Variants in NCAM2 observed in about 807,000 individuals in gnomAD.
NCAM2 encodes N-CAM-2.
Under a neutral mutation model 98.1 loss-of-function variants are expected in NCAM2, and 30 were observed. That is an observed-to-expected ratio of 0.31 (90% CI 0.23 to 0.41). The LOEUF (loss-of-function observed/expected upper bound fraction) is 0.41. Ranked by LOEUF, NCAM2 falls within the 10% of genes least tolerant of loss-of-function variation. The pLI, the probability that NCAM2 is intolerant of heterozygous loss-of-function variation, is 1.00. For missense variants in NCAM2, 867 were observed against 1,005.8 expected (o/e 0.86, Z 1.87); for synonymous variants, 368 against 342.4 (o/e 1.07, Z -0.83).
At chr21:21,220,535 G>A (rs1277513480) in intron 1 of NCAM2, among the ~76,000 whole-genome samples, 6 of 152,004 alleles carry the variant, frequency 3.9e-5, no homozygotes, top group East Asian at 1.9e-4. Context: ...ATTACCTAAG[G>A]ACACATTTTC....
intron 1 of NCAM2, among the ~76,000 whole-genome samples, chr21:21,271,891 T>C (rs2072514471): frequency 6.6e-6 from 1 of 152,092 alleles, no homozygotes; most frequent in Non-Finnish European, 1.5e-5. Flanking sequence ...CCGGGGCCTG[T>C]CATGGGGTGA....
chr21:21,246,482 CAA>C (rs1195777776), intron 1 of NCAM2, among the ~76,000 whole-genome samples: 1 of 151,860 alleles, frequency 6.6e-6, no homozygotes, highest in Non-Finnish European at 1.5e-5. Context: ...TATTTGCATA[CAA>C]AGAGATATGT....
intron 12 of NCAM2, 42 bp downstream of exon 12, chr21:21,432,323 A>G: frequency 6.3e-7 from 1 of 1,575,172 alleles, no homozygotes. Context: ...ATTCAAGCTG[A>G]TCTTCAGTAT....
At chr21:21,165,356 CTGAT>C (rs1480401501) in intron 1 of NCAM2, among the ~76,000 whole-genome samples, 2 of 152,148 alleles carry the variant, frequency 1.3e-5, no homozygotes, top group Non-Finnish European at 2.9e-5. Context: ...ACCCTCTAGA[CTGAT>C]TGAGCTACTC....
chr21:21,135,705 G>A (rs998259688), intron 1 of NCAM2, among the ~76,000 whole-genome samples: 1 of 152,098 alleles, frequency 6.6e-6, no homozygotes, highest in Non-Finnish European at 1.5e-5. Flanking sequence ...GATCTGATCT[G>A]TTTCTTGTGA....
At chr21:21,236,559 T>C (rs1405929848) in intron 1 of NCAM2, among the ~76,000 whole-genome samples, 1 of 152,136 alleles carries the variant, frequency 6.6e-6, no homozygotes, top group Non-Finnish European at 1.5e-5. Context: ...AGTAGCTTCT[T>C]TTAAAATAAT....
intron 1 of NCAM2, among the ~76,000 whole-genome samples, chr21:21,092,260 G>A (rs1227898816): frequency 1.3e-5 from 2 of 151,930 alleles, no homozygotes; most frequent in South Asian, 2.1e-4. Flanking sequence ...AAACTTCAAA[G>A]GGAGGAAAAC....
intron 1 of NCAM2, among the ~76,000 whole-genome samples, chr21:21,106,314 C>CAAAAAAAAAAA (rs202018731): frequency 1.4e-4 from 15 of 103,460 alleles, no homozygotes; most frequent in African/African-American, 2.7e-4. Context: ...GTCTCAAAAG[C>CAAAAAAAAAAA]AAAAAAAAAA....
intron 6 of NCAM2, 152 bp from the exon 7 acceptor site, chr21:21,335,353 C>T (rs954105207): frequency 8.3e-6 from 4 of 482,764 alleles, no homozygotes; most frequent in Non-Finnish European, 1.3e-5. Flanking sequence ...AGTTCTGAGG[C>T]TACTAAAAAT....
At chr21:21,286,892 A>G (rs938983800) in intron 4 of NCAM2, among the ~76,000 whole-genome samples, 5 of 151,982 alleles carry the variant, frequency 3.3e-5, no homozygotes, top group African/African-American at 7.2e-5. Context: ...TAATTTATAC[A>G]TGATTCTATG....
At chr21:21,220,046 G>A (rs927014354) in intron 1 of NCAM2, among the ~76,000 whole-genome samples, 2 of 130,720 alleles carry the variant, frequency 1.5e-5, no homozygotes, top group African/African-American at 2.9e-5. Context: ...AAGCTATTAC[G>A]AAAGTCAAAA....
chr21:21,286,222 AC>A (rs2073093867), intron 3 of NCAM2, 46 bp from the exon 4 acceptor site: 1 of 1,420,802 alleles, frequency 7.0e-7, no homozygotes, highest in African/African-American at 2.2e-5. Context: ...AAGCAATGAT[AC>A]TTTTGTGATT....
chr21:21,486,557 A>C (rs1216141953), intron 15 of NCAM2, among the ~76,000 whole-genome samples: 1 of 152,130 alleles, frequency 6.6e-6, no homozygotes, highest in East Asian at 1.9e-4. Flanking sequence ...TTCTAGTAAC[A>C]CCTCCAGAAA....
At chr21:21,117,571 TA>T (rs748719016) in intron 1 of NCAM2, among the ~76,000 whole-genome samples, 4 of 152,164 alleles carry the variant, frequency 2.6e-5, no homozygotes, top group East Asian at 1.9e-4. Flanking sequence ...AATAAAAAAG[TA>T]GGAAATACTA....
At chr21:21,511,514 T>C (rs1988378381) in intron 16 of NCAM2, among the ~76,000 whole-genome samples, 1 of 151,984 alleles carries the variant, frequency 6.6e-6, no homozygotes, top group South Asian at 2.1e-4. Flanking sequence ...GACACTTAGG[T>C]CAATTCCAGA....
chr21:21,384,604 C>G (rs2076225902), intron 9 of NCAM2, among the ~76,000 whole-genome samples: 1 of 151,922 alleles, frequency 6.6e-6, no homozygotes, highest in Non-Finnish European at 1.5e-5. Flanking sequence ...CTGACTTGCT[C>G]ATATATTTGC....
intron 5 of NCAM2, among the ~76,000 whole-genome samples, chr21:21,313,019 T>C (rs185007461): frequency 6.6e-6 from 1 of 152,016 alleles, no homozygotes; most frequent in East Asian, 1.9e-4. Context: ...GTGCATAATG[T>C]TATCTGGATT....
At chr21:21,350,097 G>C (rs1274287174) in intron 8 of NCAM2, among the ~76,000 whole-genome samples, 2 of 152,040 alleles carry the variant, frequency 1.3e-5, no homozygotes, top group East Asian at 3.9e-4. Flanking sequence ...AAGGATAAAT[G>C]CTTGAGGGAA....
intron 8 of NCAM2, among the ~76,000 whole-genome samples, chr21:21,355,556 G>C (rs982786849): frequency 6.0e-5 from 9 of 149,356 alleles, no homozygotes; most frequent in African/African-American, 2.0e-4. Flanking sequence ...GAGGGACGGA[G>C]GAAAGAAGGA....
Sources: allele counts gnomAD v4.1 joint callset (sites outside exome capture counted in the v4.1 genomes callset), GRCh38; gene constraint gnomAD v4.1.1; transcripts MANE v1.5; gene names NCBI Gene and HGNC (gene_info 2026-07-23, HGNC 2026-07-21).